Variants in CORIN observed in about 807,000 individuals in gnomAD.
CORIN encodes the protein atrial natriuretic peptide-converting enzyme.
A neutral mutation model predicts 125.3 loss-of-function variants in CORIN; 117 were observed. The observed-to-expected ratio is 0.93, with a 90% CI of 0.80 to 1.09. CORIN has a LOEUF of 1.09. CORIN is among the 50% of genes least tolerant of loss of function. The pLI, the probability that CORIN is intolerant of heterozygous loss-of-function variation, is 0.00. For missense variants in CORIN, 1,253 were observed against 1,306.7 expected (o/e 0.96, Z 0.63); for synonymous variants, 450 against 466.4 (o/e 0.96, Z 0.45).
chr4:47,800,843 T>C (rs969392359), intron 2 of CORIN, among the ~76,000 whole-genome samples: 5 of 152,208 alleles, frequency 3.3e-5, no homozygotes, highest in Non-Finnish European at 7.3e-5. Flanking sequence ...TTTCCTTCTC[T>C]GACTATTCTT....
At chr4:47,693,123 G>T in intron 5 of CORIN, 40 bp from the exon 6 acceptor site, 1 of 1,312,056 alleles carries the variant, frequency 7.6e-7, no homozygotes, top group Non-Finnish European at 1.1e-6. Context: ...GAATAAGATG[G>T]GTTTTTTTTC....
intron 19 of CORIN, among the ~76,000 whole-genome samples, chr4:47,622,439 T>C (rs10023509): frequency 0.26 from 39,027 of 147,866 alleles, 5,172 homozygotes; most frequent in Admixed American, 0.35. Flanking sequence ...ACTTCCACAA[T>C]GGTTGAACTA....
intron 4 of CORIN, among the ~76,000 whole-genome samples, chr4:47,749,857 G>A (rs914853562): frequency 2.6e-5 from 4 of 152,174 alleles, no homozygotes; most frequent in Non-Finnish European, 4.4e-5. Flanking sequence ...GCACCTCCCA[G>A]AGCTGCAGAA....
chr4:47,613,927 G>A (rs1721970193), intron 19 of CORIN, among the ~76,000 whole-genome samples: 2 of 151,030 alleles, frequency 1.3e-5, no homozygotes, highest in South Asian at 4.2e-4. Flanking sequence ...CCTGCACAAT[G>A]TGCACATGTA....
chr4:47,687,078 C>T (rs1200625280), intron 6 of CORIN, among the ~76,000 whole-genome samples: 1 of 152,168 alleles, frequency 6.6e-6, no homozygotes, highest in African/African-American at 2.4e-5. Flanking sequence ...CCTCATTGTT[C>T]TCCCAGGTGT....
In CORIN at chr4:47,622,167, A is replaced by G. The variant is rs1194032021; in HGVS notation, c.2540+1404T>C. Among the ~76,000 whole-genome samples, 5 of 151,538 alleles carry G rather than the reference A, an allele frequency of 3.3e-5. No individual in the cohort carries two copies. The East Asian group carries it at 7.8e-4, about 24-fold the overall frequency. Reference sequence around the variant, plus strand: ...TTCCAATTTCATCCATGTCCCTACAAAGGACATGAACTCATCATTTTTTAT... The same window carrying G: ...TTCCAATTTCATCCATGTCCCTACAGAGGACATGAACTCATCATTTTTTAT... On this transcript the variant is annotated intron_variant, in intron 19 of 21. Coordinates refer to ENST00000273857, the MANE Select transcript of CORIN (RefSeq NM_006587.4).
chr4:47,837,865 G>A (rs1355192708), intron 1 of CORIN, 22 bp downstream of exon 1: 1 of 1,607,288 alleles, frequency 6.2e-7, no homozygotes, highest in South Asian at 1.1e-5. Flanking sequence ...GCTGCGGTAG[G>A]ACAGCGAATC....
chr4:47,658,602 G>T (rs1433736127), intron 12 of CORIN, among the ~76,000 whole-genome samples: 5 of 152,376 alleles, frequency 3.3e-5, no homozygotes, highest in Admixed American at 3.3e-4. Context: ...GCAGGGAGCA[G>T]TGTCCTAAGG....
At chr4:47,642,834 A>G (rs1723289574) in intron 15 of CORIN, 10 of 1,449,984 alleles carry the variant, frequency 6.9e-6, no homozygotes, top group Non-Finnish European at 9.0e-6. Context: ...GCAGACTATC[A>G]TTAAATTTAT....
At chr4:47,744,705 C>A in intron 4 of CORIN, 122 bp from the exon 5 acceptor site, 1 of 900,092 alleles carries the variant, frequency 1.1e-6, no homozygotes, top group East Asian at 2.8e-5. Context: ...TTACTATAGT[C>A]AGCAACTTAA....
intron 19 of CORIN, among the ~76,000 whole-genome samples, chr4:47,611,655 C>T (rs1188298070): frequency 6.6e-6 from 1 of 152,192 alleles, no homozygotes; most frequent in Non-Finnish European, 1.5e-5. Context: ...TAAGAGAGGG[C>T]ATCCTTGTCT....
At chr4:47,689,198 C>T (rs1456904724) in intron 6 of CORIN, among the ~76,000 whole-genome samples, 2 of 152,200 alleles carry the variant, frequency 1.3e-5, no homozygotes, top group African/African-American at 4.8e-5. Flanking sequence ...GTGACAACAA[C>T]AGTCACGACC....
chr4:47,678,072 A>C lies in CORIN; in HGVS notation c.1133-18T>G, dbSNP rs115431350. ...GTGACAGGCTAGGAAGGACCATAAC[A>C]ATATTCACTTTATTTATTAATTCTT... is the stretch of plus-strand genomic sequence containing the variant. On this transcript the variant is annotated intron_variant, in intron 8 of 21. Coordinates refer to ENST00000273857, the MANE Select transcript of CORIN (RefSeq NM_006587.4). The C allele has an allele frequency of 6.0e-4, 907 of 1,502,974 alleles. 2 individuals carry two copies. The African/African-American group carries it at 0.011, about 18-fold the overall frequency. 93.1% of individuals were successfully genotyped at this position (1,502,974 alleles called of 1,614,324 possible).
chr4:47,646,670 C>A (rs987228875), intron 13 of CORIN, among the ~76,000 whole-genome samples: 1 of 152,188 alleles, frequency 6.6e-6, no homozygotes, highest in South Asian at 2.1e-4. Context: ...AGAACAATGG[C>A]TAGCATGTAG....
intron 2 of CORIN, among the ~76,000 whole-genome samples, chr4:47,802,055 C>G (rs1731568090): frequency 6.6e-6 from 1 of 152,220 alleles, no homozygotes; most frequent in Non-Finnish European, 1.5e-5. Flanking sequence ...GCTGATCTGT[C>G]ACAGCAGAGA....
intron 6 of CORIN, among the ~76,000 whole-genome samples, chr4:47,688,353 A>G (rs1023067906): frequency 6.6e-6 from 1 of 152,140 alleles, no homozygotes; most frequent in Admixed American, 6.6e-5. Flanking sequence ...TAATCCTAGC[A>G]CTTTGGGAAG....
rs1725107470 is a variant in CORIN at position 47,678,017 on chromosome 4, T to C, written c.1170A>G (p.Gly390=). The change falls in exon 9 of 22, where the codon GGA becomes GGG. Residue 390 remains glycine (G), a synonymous_variant. Transcript: ENST00000273857. ...ATTGAAACGTGCTGGGGATACATTG[T>C]CCATTTCTGCATTCCACCAGACCCT... The part of the protein sequence containing the change: ...HSQGLVECRN[G]QCIPSTFQCD... 6.2e-7 allele frequency: 1 copy of C among 1,614,050 alleles called. No homozygotes were observed. Among genetic ancestry groups the C allele is most frequent in the South Asian group, 1.1e-5 (1 of 91,068 alleles).
chr4:47,816,374 A>C (rs1246103255), intron 1 of CORIN, among the ~76,000 whole-genome samples: 1 of 152,212 alleles, frequency 6.6e-6, no homozygotes, highest in Non-Finnish European at 1.5e-5. Context: ...TGAGGTTTCC[A>C]TTACAAAACA....
intron 4 of CORIN, among the ~76,000 whole-genome samples, chr4:47,755,870 C>T (rs188164186): frequency 5.9e-4 from 90 of 152,268 alleles, no homozygotes; most frequent in Non-Finnish European, 1.1e-3. Context: ...CTATAGTCAA[C>T]ATATTTTGAA....
Sources: gnomAD v4.1 joint callset for allele counts (sites outside exome capture counted in the v4.1 genomes callset) on GRCh38, gnomAD v4.1.1 for gene constraint, MANE v1.5 for transcripts, NCBI Gene and HGNC (gene_info 2026-07-23, HGNC 2026-07-21) for gene names.